PEAK1: variants seen among roughly 807,000 people sequenced by gnomAD.
PEAK1 encodes the protein pseudopodium enriched atypical kinase 1.
Under a neutral mutation model 124.7 loss-of-function variants are expected in PEAK1, and 54 were observed. The ratio of observed to expected loss-of-function variants is 0.43; its 90% CI spans 0.35 to 0.54. The LOEUF is 0.54. Among genes scored for constraint, PEAK1 ranks in the 20% least tolerant of loss-of-function variants. The pLI, the probability that PEAK1 is intolerant of heterozygous loss-of-function variation, is 0.01. For missense variants in PEAK1, 2,046 were observed against 2,134.5 expected (o/e 0.96, Z 0.82); for synonymous variants, 719 against 760.0 (o/e 0.95, Z 0.89).
chr15:77,178,933 G>C lies in PEAK1; in HGVS notation c.2994C>G (p.Gly998=). Residue 998 remains glycine, a synonymous_variant, in exon 7 of 10, where the codon GGC becomes GGG. Coordinates refer to ENST00000682557, the MANE Select transcript of PEAK1 (RefSeq NM_001385026.1). ...CCTTGCTCTGATCCACACTGAGCTGGCCTTGAGCAGGGTCGCACCTGTACA... is the reference window on the plus strand; with the variant it reads ...CCTTGCTCTGATCCACACTGAGCTGCCCTTGAGCAGGGTCGCACCTGTACA... The part of the protein sequence containing the change: ...VFMYRCDPAQ[G]QLSVDQSKAR... 1.9e-6 allele frequency: 3 copies of C among 1,614,058 alleles called. No homozygotes were observed. Among genetic ancestry groups the C allele is most frequent in the Non-Finnish European group, 2.5e-6 (3 of 1,180,010 alleles).
At chr15:77,169,755 T>C (rs931909272) in intron 7 of PEAK1, among the ~76,000 whole-genome samples, 1 of 152,074 alleles carries the variant, frequency 6.6e-6, no homozygotes, top group African/African-American at 2.4e-5. Flanking sequence ...GGGATATATT[T>C]TGGAGGTTGA....
intron 6 of PEAK1, among the ~76,000 whole-genome samples, chr15:77,199,733 C>A (rs1222372488): frequency 6.6e-6 from 1 of 152,086 alleles, no homozygotes; most frequent in Non-Finnish European, 1.5e-5. Flanking sequence ...GCTAATATAC[C>A]TCACATCAGA....
At chr15:77,229,149 G>A (rs1008487098) in intron 6 of PEAK1, among the ~76,000 whole-genome samples, 1 of 151,976 alleles carries the variant, frequency 6.6e-6, no homozygotes, top group African/African-American at 2.4e-5. Flanking sequence ...CAAGTCCCTG[G>A]GAAAGAAAAC....
At chr15:77,269,879 C>A (rs1348070862) in intron 5 of PEAK1, among the ~76,000 whole-genome samples, 1 of 152,122 alleles carries the variant, frequency 6.6e-6, no homozygotes. Flanking sequence ...TACCTTTGTT[C>A]TCACTGGTTT....
intron 6 of PEAK1, among the ~76,000 whole-genome samples, chr15:77,189,626 G>A (rs994015149): frequency 6.6e-6 from 1 of 152,188 alleles, no homozygotes; most frequent in African/African-American, 2.4e-5. Context: ...CTGTCTCAAA[G>A]TTGTGTTTTT....
intron 9 of PEAK1, among the ~76,000 whole-genome samples, chr15:77,123,073 A>C (rs2052057736): frequency 6.6e-6 from 1 of 152,180 alleles, no homozygotes; most frequent in Admixed American, 6.5e-5. Flanking sequence ...GGAAGAAAGG[A>C]AGCAGCCCCG....
intron 7 of PEAK1, among the ~76,000 whole-genome samples, chr15:77,173,181 C>A (rs753955598): frequency 6.6e-6 from 1 of 152,142 alleles, no homozygotes; most frequent in Non-Finnish European, 1.5e-5. Flanking sequence ...GTTGTTTATG[C>A]ACCAACAATG....
At chr15:77,393,351 G>A (rs923690419) in intron 1 of PEAK1, among the ~76,000 whole-genome samples, 4 of 152,184 alleles carry the variant, frequency 2.6e-5, no homozygotes, top group African/African-American at 9.6e-5. Context: ...ACCCCAGGCG[G>A]TGCAGCTTGC....
In PEAK1 at chr15:77,133,789, TAA is replaced by T; in HGVS notation, c.3332-41_3332-40del. 3 of 1,507,898 alleles carry T rather than the reference TAA, an allele frequency of 2.0e-6. No homozygotes were observed. Among genetic ancestry groups the T allele is most frequent in the Non-Finnish European group, 2.7e-6 (3 of 1,131,486 alleles). 93.4% of individuals were successfully genotyped at this position (1,507,898 alleles called of 1,614,324 possible). On this transcript the variant is annotated intron_variant, in intron 8 of 9. Transcript: ENST00000682557. This position sits in a 1 kb window ranked among gnomAD's most constrained non-coding sequence, Gnocchi z 4.2. The stretch of plus-strand genomic sequence containing the variant: ...AAAGCAATAAAAAGAAAAGAGTAAG[TAA>T]AGTTTTCAATCTAATTTTATAACTG...
At chr15:77,350,744 C>T (rs1195969978) in intron 2 of PEAK1, 2 of 984,552 alleles carry the variant, frequency 2.0e-6, no homozygotes, top group African/African-American at 1.7e-5. Context: ...TGCTGAAGCA[C>T]CTTATGGATT....
intron 1 of PEAK1, chr15:77,401,469 C>T (rs1240855962): frequency 1.1e-6 from 1 of 930,066 alleles, no homozygotes; most frequent in South Asian, 5.0e-5. Context: ...CCATGACAGT[C>T]AATCTGCACT....
intron 2 of PEAK1, among the ~76,000 whole-genome samples, chr15:77,305,602 T>C (rs965747788): frequency 6.6e-6 from 1 of 152,062 alleles, no homozygotes; most frequent in Non-Finnish European, 1.5e-5. Context: ...ATCTGACTGG[T>C]GGATAGGGTG....
At position 77,111,356 on chromosome 15, in the gene PEAK1, T is replaced by C. The variant is rs533311529; in HGVS notation, c.*2800A>G. The C allele has an allele frequency of 3.0e-4, 46 of 152,370 alleles. 1 individual carries two copies. Among genetic ancestry groups the C allele is most frequent in the African/African-American group, 1.1e-3 (45 of 41,586 alleles). The allele number at this position is 152,370 out of a possible 1,614,324, so 9.4% of individuals were successfully genotyped here. A position where few individuals can be genotyped will look rare whatever the true frequency, so the allele number is the denominator to read the frequency against. ...TGTGATAATGTTAAACTGACTGAAT[T>C]TCATTTTTTTGGAAAAATATTCTGA... On this transcript the variant is annotated 3_prime_UTR_variant, in exon 10 of 10. Coordinates refer to ENST00000682557, the MANE Select transcript of PEAK1 (RefSeq NM_001385026.1).
chr15:77,373,634 C>T (rs1413266053), intron 1 of PEAK1, among the ~76,000 whole-genome samples: 1 of 152,174 alleles, frequency 6.6e-6, no homozygotes, highest in African/African-American at 2.4e-5. Context: ...GAAAGCCTGA[C>T]ACAGCATAAA....
At position 77,181,158 on chromosome 15, in the gene PEAK1, C is replaced by G; in HGVS notation, c.769G>C (p.Glu257Gln). 1 of 1,614,198 alleles carries G rather than the reference C, an allele frequency of 6.2e-7. No individual in the cohort carries two copies. The highest frequency in any genetic ancestry group is 8.5e-7 in the Non-Finnish European group (1 of 1,180,030). Residue 257 changes from glutamate (E) to glutamine (Q), a missense_variant, in exon 7 of 10, where the codon GAA becomes CAA. Glu to Gln is a conservative substitution (Grantham distance 29). Coordinates refer to ENST00000682557, the MANE Select transcript of PEAK1 (RefSeq NM_001385026.1). ...EEHESWDESDEELLAMEIRMR... is the reference protein window; with the variant it reads ...EEHESWDESDQELLAMEIRMR... ...CGAATCTCCATGGCCAACAGCTCTT[C>G]ATCACTCTCATCCCAACTCTCGTGC...
chr15:77,400,894 A>G (rs892691069), intron 1 of PEAK1, among the ~76,000 whole-genome samples: 13 of 152,158 alleles, frequency 8.5e-5, no homozygotes, highest in African/African-American at 2.9e-4. Flanking sequence ...TTATTCGTCT[A>G]TCACTTGCTC....
intron 9 of PEAK1, among the ~76,000 whole-genome samples, chr15:77,116,706 ATCTATCT>A (rs765011358): frequency 0.13 from 1,918 of 14,328 alleles, 22 homozygotes; most frequent in South Asian, 0.26. Flanking sequence ...CAATCAATCT[ATCTATCT>A]ATCTATCTAT....
At chr15:77,254,417 C>G (rs1346708973) in intron 5 of PEAK1, among the ~76,000 whole-genome samples, 1 of 151,914 alleles carries the variant, frequency 6.6e-6, no homozygotes, top group Non-Finnish European at 1.5e-5. Flanking sequence ...AAGTAAGCAG[C>G]AATGAGTATT....
Position 77,133,803 on chromosome 15 carries a change from TA to T in PEAK1, c.3332-54del. 7 of 1,488,242 alleles carry T rather than the reference TA, an allele frequency of 4.7e-6. No individual in the cohort carries two copies. The highest frequency in any genetic ancestry group is 6.2e-6 in the Non-Finnish European group (7 of 1,121,152). The allele number at this position is 1,488,242 out of a possible 1,614,324, so 92.2% of individuals were successfully genotyped here. ...AAAAGAGTAAGTAAAGTTTTCAATC[TA>T]ATTTTATAACTGAAACTTGAGCAGA... On this transcript the variant is annotated intron_variant, in intron 8 of 9. Coordinates refer to ENST00000682557, the MANE Select transcript of PEAK1 (RefSeq NM_001385026.1). This position sits in a 1 kb window ranked among gnomAD's most constrained non-coding sequence, Gnocchi z 4.2.
Sources: allele counts gnomAD v4.1 joint callset (sites outside exome capture counted in the v4.1 genomes callset), GRCh38; gene constraint gnomAD v4.1.1; non-coding constraint Gnocchi (gnomAD v3.1); transcripts MANE v1.5; gene names NCBI Gene and HGNC (gene_info 2026-07-23, HGNC 2026-07-21).